BANF2: variants seen among roughly 807,000 people sequenced by gnomAD.
BANF2 encodes barrier-to-autointegration factor-like protein.
A neutral mutation model predicts 8.0 loss-of-function variants in BANF2; 4 were observed. The observed-to-expected ratio is 0.50, with a 90% CI of 0.25 to 1.14. The LOEUF is 1.14. Ranked by LOEUF, BANF2 falls within the 50% of genes most tolerant of loss-of-function variation. BANF2 has a pLI of 0.16. For missense variants in BANF2, 96 were observed against 107.5 expected, an observed-to-expected ratio of 0.89 and a Z score of 0.47; for synonymous variants, 50 against 40.6, an observed-to-expected ratio of 1.23 and a Z score of -0.88.
chr20:17,717,282 G>A (rs1271476028), intron 1 of BANF2, among the ~76,000 whole-genome samples: 1 of 152,058 alleles, frequency 6.6e-6, no homozygotes, highest in Non-Finnish European at 1.5e-5. Flanking sequence ...TGCTCTCCCC[G>A]CTGCTTGTTG....
At chr20:17,700,480 A>G (rs2037390402) in intron 1 of BANF2, among the ~76,000 whole-genome samples, 3 of 152,218 alleles carry the variant, frequency 2.0e-5, no homozygotes, top group African/African-American at 7.2e-5. Context: ...TAGCTGACAC[A>G]GCCACCTCCC....
Position 17,704,157 on chromosome 20 carries a change from G to A in BANF2, c.-167+4102G>A, listed in dbSNP as rs553676309. Reference sequence around the variant, plus strand: ...CGAGAGCCCAGATAAAAGGGGAGGGGAAACTGTCCACTTCCTGGTGGGTGG... The same window carrying A: ...CGAGAGCCCAGATAAAAGGGGAGGGAAAACTGTCCACTTCCTGGTGGGTGG... On this transcript the variant is annotated intron_variant, in intron 1 of 3. Coordinates refer to ENST00000246090, the MANE Select transcript of BANF2 (RefSeq NM_178477.5). Among the ~76,000 whole-genome samples the A allele has an allele frequency of 3.9e-5, 6 of 152,334 alleles. No individual in the cohort carries two copies. The East Asian group carries it at 5.8e-4, about 15-fold the overall frequency.
In BANF2 at chr20:17,707,929, C is replaced by T. The variant is rs561665526; in HGVS notation, c.-167+7874C>T. The stretch of plus-strand genomic sequence containing the variant: ...TCAAAACTTGACTACGGGCTGGACA[C>T]GGTGTCTCATGCCTGTAATCCTAGC... On this transcript the variant is annotated intron_variant, in intron 1 of 3. Transcript: ENST00000246090. 5.3e-5 allele frequency among the ~76,000 whole-genome samples: 8 copies of T among 149,680 alleles called. No individual in the cohort carries two copies. The East Asian group carries it at 8.5e-4, about 16-fold the overall frequency.
intron 1 of BANF2, among the ~76,000 whole-genome samples, chr20:17,705,066 G>A (rs1984623617): frequency 8.0e-6 from 1 of 125,364 alleles, no homozygotes; most frequent in Non-Finnish European, 1.7e-5. Flanking sequence ...GCCTGGTCAT[G>A]TGTGTTGTTA....
chr20:17,734,550 A>G (rs1051587058), intron 3 of BANF2, among the ~76,000 whole-genome samples: 12 of 152,200 alleles, frequency 7.9e-5, no homozygotes, highest in African/African-American at 2.9e-4. Flanking sequence ...AAACAAATCA[A>G]TGCTAAGATG....
intron 1 of BANF2, among the ~76,000 whole-genome samples, chr20:17,708,862 C>T (rs2037526841): frequency 6.6e-6 from 1 of 152,178 alleles, no homozygotes; most frequent in Non-Finnish European, 1.5e-5. Context: ...GAAACAGATT[C>T]TTTTCCTCCT....
chr20:17,703,362 A>T (rs1665947776), intron 1 of BANF2, among the ~76,000 whole-genome samples: 2 of 152,210 alleles, frequency 1.3e-5, no homozygotes, highest in African/African-American at 4.8e-5. Context: ...CTGTGCCTGG[A>T]ACAGCGCCTG....
At chr20:17,705,977 C>T (rs1323941898) in intron 1 of BANF2, among the ~76,000 whole-genome samples, 1 of 152,216 alleles carries the variant, frequency 6.6e-6, no homozygotes, top group Non-Finnish European at 1.5e-5. Context: ...CCAAAGTGCC[C>T]AACCCCTGCC....
chr20:17,704,234 C>T (rs1224813451), intron 1 of BANF2, among the ~76,000 whole-genome samples: 1 of 152,236 alleles, frequency 6.6e-6, no homozygotes, highest in African/African-American at 2.4e-5. Flanking sequence ...TACACAGTCA[C>T]TTCAACAGTG....
At chr20:17,695,687 G>A (rs1386450595), upstream of BANF2, among the ~76,000 whole-genome samples, 1 of 152,062 alleles carries the variant, frequency 6.6e-6, no homozygotes, top group Non-Finnish European at 1.5e-5. Flanking sequence ...TTATTGAGGT[G>A]TAATTTACAT....
chr20:17,712,950 A>G (rs2037596073), intron 1 of BANF2, among the ~76,000 whole-genome samples: 1 of 152,146 alleles, frequency 6.6e-6, no homozygotes, highest in Non-Finnish European at 1.5e-5. Flanking sequence ...TTAGTCTTAG[A>G]AAGAGGAAAA....
intron 1 of BANF2, among the ~76,000 whole-genome samples, chr20:17,702,374 A>T (rs1008600562): frequency 5.3e-5 from 8 of 152,214 alleles, no homozygotes; most frequent in African/African-American, 1.9e-4. Flanking sequence ...ACACGGACAG[A>T]TGTTATGCAC....
intron 2 of BANF2, among the ~76,000 whole-genome samples, chr20:17,724,719 G>T (rs1189402502): frequency 1.3e-5 from 2 of 152,182 alleles, no homozygotes; most frequent in Non-Finnish European, 2.9e-5. Flanking sequence ...AATGGGGTGA[G>T]TTGGAAAGAA....
chr20:17,702,984 G>A (rs6080789), intron 1 of BANF2, among the ~76,000 whole-genome samples: 1 of 152,042 alleles, frequency 6.6e-6, no homozygotes, highest in African/African-American at 2.4e-5. Context: ...GCTGCTCTGG[G>A]CCCTGCTGAC....
At chr20:17,713,507 A>G (rs906456323) in intron 1 of BANF2, among the ~76,000 whole-genome samples, 14 of 152,314 alleles carry the variant, frequency 9.2e-5, no homozygotes, top group African/African-American at 3.1e-4. Context: ...ACGTGAGTAC[A>G]TTGAACACTA....
intron 1 of BANF2, among the ~76,000 whole-genome samples, chr20:17,711,807 G>A (rs1158614417): frequency 6.6e-6 from 1 of 152,218 alleles, no homozygotes; most frequent in Non-Finnish European, 1.5e-5. Flanking sequence ...AACACTTGTA[G>A]CAGCTGGGTG....
chr20:17,725,259 G>A, intron 3 of BANF2, 108 bp downstream of exon 3: 1 of 1,380,078 alleles, frequency 7.2e-7, no homozygotes, highest in South Asian at 1.3e-5. Context: ...CCATCAGAGA[G>A]CAAAGCTGCC....
chr20:17,728,850 G>A (rs764770383), intron 3 of BANF2, among the ~76,000 whole-genome samples: 4 of 152,074 alleles, frequency 2.6e-5, no homozygotes, highest in South Asian at 2.1e-4. Context: ...GCCCTTGTCC[G>A]AACTGAGATG....
chr20:17,730,545 G>A (rs1000993220), intron 3 of BANF2, among the ~76,000 whole-genome samples: 14 of 151,950 alleles, frequency 9.2e-5, no homozygotes, highest in African/African-American at 3.1e-4. Context: ...TTACAGGCGG[G>A]GCTCTGCTCT....
Sources: gnomAD v4.1 joint callset for allele counts (sites outside exome capture counted in the v4.1 genomes callset) on GRCh38, gnomAD v4.1.1 for gene constraint, MANE v1.5 for transcripts, NCBI Gene and HGNC (gene_info 2026-07-23, HGNC 2026-07-21) for gene names.